Variants in JAKMIP1 observed in about 807,000 individuals in gnomAD.
JAKMIP1 encodes janus kinase and microtubule interacting protein 1, also known as janus kinase and microtubule-interacting protein 1.
In JAKMIP1, 33 loss-of-function variants were observed where a neutral mutation model predicts 113.0. That is an observed-to-expected ratio of 0.29 (90% confidence interval 0.22 to 0.39). JAKMIP1 has a LOEUF of 0.39. Among genes scored for constraint, JAKMIP1 ranks in the 10% least tolerant of loss-of-function variants. The pLI is 1.00. For synonymous variants in JAKMIP1, 480 were observed against 459.9 expected (o/e 1.04, Z -0.56); for missense variants, 813 against 1,080.5 (o/e 0.75, Z 3.47).
intron 3 of JAKMIP1, among the ~76,000 whole-genome samples, chr4:6,090,472 A>G (rs919999294): frequency 6.6e-6 from 1 of 152,300 alleles, no homozygotes. Flanking sequence ...CATTGTTGTA[A>G]GCCTCCAAGT....
chr4:6,125,848 CCCCCCATACAG>C (rs1560230984), intron 1 of JAKMIP1, among the ~76,000 whole-genome samples: 1 of 14,322 alleles, frequency 7.0e-5, no homozygotes, highest in Admixed American at 7.4e-4. Context: ...CACACACACA[CCCCCCATACAG>C]AAACTCGCGC....
At chr4:6,070,359 A>G (rs3889724) in intron 8 of JAKMIP1, among the ~76,000 whole-genome samples, 100,374 of 152,122 alleles carry the variant, frequency 0.66, 33,465 homozygotes, top group Middle Eastern at 0.8. Flanking sequence ...GCAGAGTCCC[A>G]AGAACAGGAG....
In JAKMIP1 at chr4:6,062,322, C is replaced by G. The variant is rs146441068; in HGVS notation, c.1550G>C (p.Arg517Thr). ...EQVGGTLDAE[R>T]EARTREQLQA... ...GCTGGCTGCACTCACCCGGGCCTCC[C>G]TCTCAGCGTCCAGCGTGCCTCCCAC... The change falls in exon 10 of 21, where the codon AGG (arginine) becomes ACG (threonine). Residue 517 changes from arginine to threonine, a missense_variant. By Grantham distance (71) the Arg-to-Thr change is moderately conservative (BLOSUM62 -1). Around this residue, in one of 2 missense-constraint regions of JAKMIP1, gnomAD observed 273 missense variants for 426.6 expected, o/e 0.64. Transcript: ENST00000409021. The G allele has an allele frequency of 6.2e-7, 1 of 1,612,688 alleles. No individual in the cohort carries two copies. Among genetic ancestry groups the G allele is most frequent in the Non-Finnish European group, 8.5e-7 (1 of 1,179,946 alleles).
chr4:6,170,203 CATT>C (rs1351907220), intron 1 of JAKMIP1, among the ~76,000 whole-genome samples: 3 of 149,246 alleles, frequency 2.0e-5, no homozygotes, highest in Non-Finnish European at 3.0e-5. Context: ...CTACCACCAT[CATT>C]GTCAAGACCA....
chr4:6,103,875 T>C (rs954992259), intron 3 of JAKMIP1, among the ~76,000 whole-genome samples: 1 of 152,240 alleles, frequency 6.6e-6, no homozygotes, highest in African/African-American at 2.4e-5. Flanking sequence ...GTCTCTGTTT[T>C]GCTTTATCAA....
rs751690433 is a variant in JAKMIP1 at position 6,049,806 on chromosome 4, C to G, written c.1962+13G>C. On this transcript the variant is annotated intron_variant, in intron 15 of 20. Transcript: ENST00000409021. The surrounding 1 kb of genome is among the most constrained non-coding windows in gnomAD (Gnocchi z 7.0). ...CAAGAACACGAAAGCAGAAACCGAT[C>G]GCTCATAGTTACCCCGTTATCGCCA... The G allele has an allele frequency of 1.3e-6, 2 of 1,600,006 alleles. No homozygotes were observed. Among genetic ancestry groups the G allele is most frequent in the Non-Finnish European group, 1.7e-6 (2 of 1,167,422 alleles).
At chr4:6,119,101 CT>C in intron 1 of JAKMIP1, among the ~76,000 whole-genome samples, 1 of 152,234 alleles carries the variant, frequency 6.6e-6, no homozygotes, top group South Asian at 2.1e-4. Flanking sequence ...GGACTGACAG[CT>C]TTTTTTAAGG....
In JAKMIP1 at chr4:6,106,632, G is replaced by C. The variant is rs1248397919; in HGVS notation, c.130-665C>G. Among the ~76,000 whole-genome samples, 1 of 152,090 alleles carries C rather than the reference G, an allele frequency of 6.6e-6. No individual in the cohort carries two copies. The highest frequency in any genetic ancestry group is 1.5e-5 in the Non-Finnish European group (1 of 68,014). ...AGTCTGGTGAGCTGCCCAGGGTGAG[G>C]GATGAGGACCCTGTGCTACCAGGCA... On this transcript the variant is annotated intron_variant, in intron 2 of 20. Coordinates refer to ENST00000409021, the MANE Select transcript of JAKMIP1 (RefSeq NM_001099433.2). This position sits in a 1 kb window ranked among gnomAD's most constrained non-coding sequence, Gnocchi z 5.9.
Position 6,090,608 on chromosome 4 carries a change from G to A in JAKMIP1, c.625-4979C>T, listed in dbSNP as rs544002519. ...TTAAACTAGAACATCACTGTCCCATGTTGACCATGATCACCTTAAACTAGA... is the reference window on the plus strand; with the variant it reads ...TTAAACTAGAACATCACTGTCCCATATTGACCATGATCACCTTAAACTAGA... On this transcript the variant is annotated intron_variant, in intron 3 of 20. Transcript: ENST00000409021. Among the ~76,000 whole-genome samples, 6 of 152,284 alleles carry A rather than the reference G, an allele frequency of 3.9e-5. No individual in the cohort carries two copies. The South Asian group carries it at 1.2e-3, about 32-fold the overall frequency.
At chr4:6,038,337 T>C (rs60768605) in intron 18 of JAKMIP1, among the ~76,000 whole-genome samples, 18 of 130,618 alleles carry the variant, frequency 1.4e-4, no homozygotes, top group East Asian at 4.4e-4. Flanking sequence ...CCTCCATCAC[T>C]GAGGCAGAGG....
rs372929963 is a variant in JAKMIP1, at chr4:6,158,485, G to T, written c.-148+41768C>A. On this transcript the variant is annotated intron_variant, in intron 1 of 20. Transcript: ENST00000409021. The surrounding 1 kb of genome is among the most constrained non-coding windows in gnomAD (Gnocchi z 5.3). Reference sequence around the variant, plus strand: ...CTGGATGAGATGGAGAGCAAATTTTGGAGTAAAATAAAGGGCTGGGGCTTG... The same window carrying T: ...CTGGATGAGATGGAGAGCAAATTTTTGAGTAAAATAAAGGGCTGGGGCTTG... Among the ~76,000 whole-genome samples, 1 of 152,236 alleles carries T rather than the reference G, an allele frequency of 6.6e-6. No individual in the cohort carries two copies. Among genetic ancestry groups the T allele is most frequent in the African/African-American group, 2.4e-5 (1 of 41,552 alleles).
rs569596813 is a variant in JAKMIP1 at position 6,139,871 on chromosome 4, G to A, written c.-147-26874C>T. On this transcript the variant is annotated intron_variant, in intron 1 of 20. Coordinates refer to ENST00000409021, the MANE Select transcript of JAKMIP1 (RefSeq NM_001099433.2). This position sits in a 1 kb window ranked among gnomAD's most constrained non-coding sequence, Gnocchi z 5.2. ...ATGTGACGACGAAGGAGGAGGTCAC[G>A]GGGCAGATTCCACGAGCCAAGGAAT... 2.6e-5 allele frequency among the ~76,000 whole-genome samples: 4 copies of A among 152,170 alleles called. No homozygotes were observed. The highest frequency in any genetic ancestry group is 5.9e-5 in the Non-Finnish European group (4 of 68,006).
At chr4:6,115,321 A>G (rs1715575247) in intron 1 of JAKMIP1, among the ~76,000 whole-genome samples, 1 of 152,194 alleles carries the variant, frequency 6.6e-6, no homozygotes, top group South Asian at 2.1e-4. Flanking sequence ...GAGACAGGAG[A>G]ATTGCTTGAA....
intron 1 of JAKMIP1, among the ~76,000 whole-genome samples, chr4:6,169,431 G>A (rs180940772): frequency 1.3e-5 from 2 of 152,158 alleles, no homozygotes; most frequent in Admixed American, 6.5e-5. Flanking sequence ...AAGGACAGCC[G>A]CCACCACTAG....
chr4:6,070,382 C>T (rs944257856), intron 8 of JAKMIP1, among the ~76,000 whole-genome samples: 9 of 152,240 alleles, frequency 5.9e-5, no homozygotes, highest in African/African-American at 1.9e-4. Context: ...CGCCAGAAGA[C>T]GCACCTTCAG....
At position 6,060,631 on chromosome 4, in the gene JAKMIP1, C is replaced by T; in HGVS notation, c.1561-124G>A. 4 of 731,192 alleles carry T rather than the reference C, an allele frequency of 5.5e-6. 1 individual carries two copies. In the South Asian group the frequency reaches 6.0e-5, roughly 11 times the overall value. The allele number at this position is 731,192 out of a possible 1,614,324, so 45.3% of individuals were successfully genotyped here. A position where few individuals can be genotyped will look rare whatever the true frequency, so the allele number is the denominator to read the frequency against. ...TATAGGCAAACCTTAGGAACAGGTT[C>T]ACTTTTAGGAGCACGTATTCAACCT... On this transcript the variant is annotated intron_variant, in intron 10 of 20. Coordinates refer to ENST00000409021, the MANE Select transcript of JAKMIP1 (RefSeq NM_001099433.2).
chr4:6,152,564 A>G (rs1721700981), intron 1 of JAKMIP1, among the ~76,000 whole-genome samples: 1 of 152,114 alleles, frequency 6.6e-6, no homozygotes, highest in Non-Finnish European at 1.5e-5. Context: ...GTGACCCTTT[A>G]ACCCCTATAT....
chr4:6,159,593 G>A (rs1722659453), intron 1 of JAKMIP1, among the ~76,000 whole-genome samples: 2 of 152,222 alleles, frequency 1.3e-5, no homozygotes, highest in Non-Finnish European at 2.9e-5. Flanking sequence ...CAGACAAGAT[G>A]TTCAGCCTGC....
intron 1 of JAKMIP1, among the ~76,000 whole-genome samples, chr4:6,152,905 A>T (rs1321135409): frequency 6.6e-6 from 1 of 151,264 alleles, no homozygotes; most frequent in African/African-American, 2.4e-5. Context: ...CAGGAGGCGG[A>T]GGTTGCAGTG....
Sources: allele counts gnomAD v4.1 joint callset (sites outside exome capture counted in the v4.1 genomes callset), GRCh38; gene constraint gnomAD v4.1.1; regional missense constraint gnomAD v4.1.1; non-coding constraint Gnocchi (gnomAD v3.1); transcripts MANE v1.5; gene names NCBI Gene and HGNC (gene_info 2026-07-23, HGNC 2026-07-21).